The following FBN2 variants were observed in gnomAD, a reference collection of about 807,000 sequenced individuals.
FBN2 encodes the protein fibrillin-2.
A neutral mutation model predicts 355.6 loss-of-function variants in FBN2; 105 were observed. The observed-to-expected ratio is 0.30, with a 90% CI of 0.25 to 0.35. FBN2 has a LOEUF of 0.35. Ranked by LOEUF, FBN2 falls within the 10% of genes least tolerant of loss-of-function variation. The pLI, the probability that FBN2 is intolerant of heterozygous loss-of-function variation, is 1.00. For missense variants in FBN2, 3,280 were observed against 3,758.7 expected (o/e 0.87, Z 3.33); for synonymous variants, 1,350 against 1,301.2 (o/e 1.04, Z -0.81).
rs12055181 is a variant in FBN2 at position 128,447,992 on chromosome 5, C to T, written c.827-1386G>A. On this transcript the variant is annotated intron_variant, in intron 6 of 64. Coordinates refer to ENST00000262464, the MANE Select transcript of FBN2 (RefSeq NM_001999.4). ...GCAGAACACTTAATGTGTTTCCTCT[C>T]CTGATCATGGGCACTTGGTTTATCT... is the stretch of plus-strand genomic sequence containing the variant. Among the ~76,000 whole-genome samples the T allele has an allele frequency of 1.3e-4, 20 of 152,306 alleles. No homozygotes were observed. In the East Asian group the frequency reaches 3.3e-3, roughly 25 times the overall value.
intron 8 of FBN2, among the ~76,000 whole-genome samples, chr5:128,400,619 T>C (rs536555307): frequency 1.3e-5 from 2 of 152,304 alleles, no homozygotes; most frequent in East Asian, 3.9e-4. Flanking sequence ...TGTTAAACCA[T>C]GAAGCAAATA....
chr5:128,534,080 T>C (rs1468679691), intron 2 of FBN2, among the ~76,000 whole-genome samples: 1 of 152,180 alleles, frequency 6.6e-6, no homozygotes, highest in Non-Finnish European at 1.5e-5. Context: ...AAAATTCTGT[T>C]GACCATTTTT....
At chr5:128,370,884 T>C (rs1201223316) in intron 15 of FBN2, among the ~76,000 whole-genome samples, 2 of 152,176 alleles carry the variant, frequency 1.3e-5, no homozygotes, top group South Asian at 2.1e-4. Flanking sequence ...GCATAACTTA[T>C]GTGTAGGTTT....
intron 7 of FBN2, among the ~76,000 whole-genome samples, chr5:128,420,157 G>A (rs1753310223): frequency 6.6e-6 from 1 of 152,084 alleles, no homozygotes; most frequent in South Asian, 2.1e-4. Flanking sequence ...TTACTTGGGA[G>A]AGAGTCTACC....
chr5:128,258,088 C>T lies in FBN2; in HGVS notation c.*1367G>A, dbSNP rs1764864043. 6.6e-6 allele frequency: 1 copy of T among 152,036 alleles called. No homozygotes were observed. Among genetic ancestry groups the T allele is most frequent in the Non-Finnish European group, 1.5e-5 (1 of 67,996 alleles). 9.4% of individuals were successfully genotyped at this position (152,036 alleles called of 1,614,324 possible). On this transcript the variant is annotated 3_prime_UTR_variant, in exon 65 of 65. Transcript: ENST00000262464. ...TAAAACCTCAAAATACTGGGTATAA[C>T]TGGTTACTAATCTTTGGTCAGCACA...
chr5:128,472,207 T>G (rs1754879072), intron 5 of FBN2, among the ~76,000 whole-genome samples: 1 of 152,188 alleles, frequency 6.6e-6, no homozygotes, highest in Non-Finnish European at 1.5e-5. Context: ...CTGACACATG[T>G]TGCAACATGG....
At chr5:128,349,269 T>C (rs1164474105) in intron 23 of FBN2, 78 bp downstream of exon 23, 1 of 1,556,048 alleles carries the variant, frequency 6.4e-7, no homozygotes, top group Non-Finnish European at 8.9e-7. Flanking sequence ...ACTCTTGTGG[T>C]TTTGGACTAG....
chr5:128,517,657 T>C (rs920099335), intron 5 of FBN2, among the ~76,000 whole-genome samples: 1 of 152,196 alleles, frequency 6.6e-6, no homozygotes, highest in Admixed American at 6.5e-5. Context: ...CTTCACCATA[T>C]AATTGTAATT....
intron 56 of FBN2, among the ~76,000 whole-genome samples, chr5:128,279,747 A>G (rs897514950): frequency 1.3e-5 from 2 of 152,202 alleles, no homozygotes; most frequent in Admixed American, 6.5e-5. Flanking sequence ...TCTGAGATGT[A>G]TATTTCCCAT....
At chr5:128,379,887 A>T (rs1752183973) in intron 11 of FBN2, among the ~76,000 whole-genome samples, 1 of 152,152 alleles carries the variant, frequency 6.6e-6, no homozygotes, top group African/African-American at 2.4e-5. Flanking sequence ...ATTGGAGAAC[A>T]TAACAATAAA....
intron 6 of FBN2, among the ~76,000 whole-genome samples, chr5:128,455,995 A>AAAAAACAAAAAAAAAC (rs1754378454): frequency 7.9e-6 from 1 of 125,826 alleles, no homozygotes; most frequent in Non-Finnish European, 1.7e-5. Flanking sequence ...AGCAACAAAA[A>AAAAAACAAAAAAAAAC]AAAAAAAAAA....
Position 128,369,201 on chromosome 5 carries a change from T to C in FBN2, c.2229A>G (p.Pro743=). The change falls in exon 16 of 65, where the codon CCA becomes CCG. Residue 743 remains proline, a synonymous_variant. Coordinates refer to ENST00000262464, the MANE Select transcript of FBN2 (RefSeq NM_001999.4). ...PDYGFGEPCQ[P]CPAKNSAEFH... The stretch of plus-strand genomic sequence containing the variant: ...GACTACCTGAATTTTTTGCAGGGCA[T>C]GGCTGGCAGGGTTCTCCAAAACCAT... 1 of 1,614,182 alleles carries C rather than the reference T, an allele frequency of 6.2e-7. No individual in the cohort carries two copies. Among genetic ancestry groups the C allele is most frequent in the Non-Finnish European group, 8.5e-7 (1 of 1,180,036 alleles).
At chr5:128,415,024 G>A (rs1329894035) in intron 7 of FBN2, among the ~76,000 whole-genome samples, 1 of 152,052 alleles carries the variant, frequency 6.6e-6, no homozygotes, top group African/African-American at 2.4e-5. Context: ...TGTCCCACAT[G>A]TTATATGATT....
intron 5 of FBN2, among the ~76,000 whole-genome samples, chr5:128,485,307 G>A (rs778554837): frequency 6.6e-6 from 1 of 152,108 alleles, no homozygotes; most frequent in Non-Finnish European, 1.5e-5. Flanking sequence ...ACAGGCATGA[G>A]CCACCATGCC....
In FBN2 at chr5:128,522,738, G is replaced by A. The variant is rs369618663; in HGVS notation, c.533-3370C>T. ...TTATGATGAAAGGTATTTTACAAAA[G>A]AACATATTTTTTTGTAACAAAAAAG... is the stretch of plus-strand genomic sequence containing the variant. On this transcript the variant is annotated intron_variant, in intron 4 of 64. Coordinates refer to ENST00000262464, the MANE Select transcript of FBN2 (RefSeq NM_001999.4). Among the ~76,000 whole-genome samples the A allele has an allele frequency of 2.6e-5, 4 of 152,018 alleles. No individual in the cohort carries two copies. In the South Asian group the frequency reaches 8.3e-4, roughly 31 times the overall value.
intron 7 of FBN2, among the ~76,000 whole-genome samples, chr5:128,429,246 CTT>C (rs1421099731): frequency 1.3e-5 from 2 of 152,238 alleles, no homozygotes; most frequent in East Asian, 3.9e-4. Context: ...TAAGGATTCT[CTT>C]TTTACACAGC....
intron 32 of FBN2, among the ~76,000 whole-genome samples, chr5:128,331,993 G>A (rs932386458): frequency 6.6e-6 from 1 of 152,170 alleles, no homozygotes; most frequent in Non-Finnish European, 1.5e-5. Flanking sequence ...CTAGAGGCTG[G>A]CACTTCACTA....
At chr5:128,426,125 C>T (rs1339024551) in intron 7 of FBN2, among the ~76,000 whole-genome samples, 1 of 152,116 alleles carries the variant, frequency 6.6e-6, no homozygotes, top group Non-Finnish European at 1.5e-5. Context: ...CTGGCATTCT[C>T]TATGCAAAAC....
At chr5:128,425,131 C>G (rs1169890084) in intron 7 of FBN2, among the ~76,000 whole-genome samples, 1 of 151,384 alleles carries the variant, frequency 6.6e-6, no homozygotes, top group Non-Finnish European at 1.5e-5. Flanking sequence ...TTAGGACAAA[C>G]TTAAAACTTA....
Sources: gnomAD v4.1 joint callset for allele counts (sites outside exome capture counted in the v4.1 genomes callset) on GRCh38, gnomAD v4.1.1 for gene constraint, MANE v1.5 for transcripts, NCBI Gene and HGNC (gene_info 2026-07-23, HGNC 2026-07-21) for gene names.